Variants in TRPM4 observed in about 807,000 individuals in gnomAD.
The protein encoded by TRPM4 is calcium-activated non-selective cation channel 1.
TRPM4 carries 124 observed loss-of-function variants against 135.6 expected under a neutral mutation model. That is an observed-to-expected ratio of 0.91 (90% CI 0.79 to 1.06). The LOEUF (loss-of-function observed/expected upper bound fraction) is 1.06, where lower values mean the gene tolerates loss of function less well. TRPM4 is among the 50% of genes least tolerant of loss of function. The pLI is 0.00. For missense variants in TRPM4, 1,658 were observed against 1,671.4 expected (o/e 0.99, Z 0.14); for synonymous variants, 745 against 705.6 (o/e 1.06, Z -0.88).
intron 9 of TRPM4, among the ~76,000 whole-genome samples, chr19:49,172,451 C>T (rs1358497474): frequency 6.6e-6 from 1 of 152,200 alleles, no homozygotes; most frequent in Non-Finnish European, 1.5e-5. Flanking sequence ...TCCATCCACA[C>T]ATCCACTGAC....
Position 49,210,084 on chromosome 19 carries a change from A to C in TRPM4, c.3132-125A>C, listed in dbSNP as rs1969290039. 1.9e-6 allele frequency: 2 copies of C among 1,072,660 alleles called. No homozygotes were observed. Among genetic ancestry groups the C allele is most frequent in the Non-Finnish European group, 2.9e-6 (2 of 692,388 alleles). The allele number at this position is 1,072,660 out of a possible 1,614,324, so 66.4% of individuals were successfully genotyped here. On this transcript the variant is annotated intron_variant, in intron 20 of 24. Transcript: ENST00000252826. The surrounding 1 kb of genome is among the most constrained non-coding windows in gnomAD (Gnocchi z 4.1). ...TTCTAATCGCATCCTGTAACCTCTG[A>C]CTTTAGTGATCTTGACTTCTGTCTG...
chr19:49,171,411 T>C lies in TRPM4; in HGVS notation c.851T>C (p.Met284Thr), dbSNP rs1206995756. The C allele has an allele frequency of 6.2e-7, 1 of 1,613,784 alleles. No homozygotes were observed. Among genetic ancestry groups the C allele is most frequent in the African/African-American group, 1.3e-5 (1 of 74,834 alleles). The change falls in exon 7 of 25, where the codon ATG (methionine) becomes ACG (threonine). Residue 284 changes from methionine to threonine, a missense_variant. By Grantham distance (81) the Met-to-Thr change is moderately conservative. Transcript: ENST00000252826. The surrounding 1 kb of genome is among the most constrained non-coding windows in gnomAD (Gnocchi z 4.7). The stretch of plus-strand genomic sequence containing the variant: ...CTCCTGATTGATGGTGATGAGAAGA[T>C]GTTGACGGTATAGGGGCCCGGATGC... ...LLLLIDGDEK[M>T]LTRIENATQA...
chr19:49,206,570 G>T (rs1336215860), intron 20 of TRPM4, among the ~76,000 whole-genome samples: 1 of 151,788 alleles, frequency 6.6e-6, no homozygotes, highest in Non-Finnish European at 1.5e-5. Flanking sequence ...CTCCTGAGTA[G>T]CTGGGCTTAT....
In TRPM4 at chr19:49,175,169, G is replaced by A. The variant is rs983935523; in HGVS notation, c.1150+3061G>A. ...CAGCTCACTGCAACCTCCGCCTCCC[G>A]GGCTCAAGTGATTCTCCTGCCTCAG... On this transcript the variant is annotated intron_variant, in intron 9 of 24. Transcript: ENST00000252826. 6.2e-5 allele frequency among the ~76,000 whole-genome samples: 9 copies of A among 144,646 alleles called. No homozygotes were observed. The East Asian group carries it at 1.0e-3, about 17-fold the overall frequency. The allele number at this position is 144,646 out of a possible 152,430, so 94.9% of individuals were successfully genotyped here.
chr19:49,171,796 A>G lies in TRPM4; in HGVS notation c.1050+27A>G. On this transcript the variant is annotated intron_variant, in intron 8 of 24. Coordinates refer to ENST00000252826, the MANE Select transcript of TRPM4 (RefSeq NM_017636.4). This position sits in a 1 kb window ranked among gnomAD's most constrained non-coding sequence, Gnocchi z 4.7. ...TATGACACTGGGGGCCCAACTCTGGATCCTGAGATGGGAGGGAACTGGGGA... is the reference window on the plus strand; with the variant it reads ...TATGACACTGGGGGCCCAACTCTGGGTCCTGAGATGGGAGGGAACTGGGGA... 1 of 1,602,508 alleles carries G rather than the reference A, an allele frequency of 6.2e-7. No individual in the cohort carries two copies. The highest frequency in any genetic ancestry group is 8.5e-7 in the Non-Finnish European group (1 of 1,175,892).
rs758473371 is a variant in TRPM4 at position 49,168,591 on chromosome 19, G to T, written c.651G>T (p.Pro217=). The change falls in exon 6 of 25, where the codon CCG becomes CCT. Residue 217 remains proline (P), a synonymous_variant. Transcript: ENST00000252826. ...FPARYRWRGD[P]EDGVQFPLDY... is the part of the protein sequence containing the mutation. Reference sequence around the variant, plus strand: ...CGAGGTACCGGTGGCGCGGTGACCCGGAGGACGGGGTCCAGTTTCCCCTGG... The same window carrying T: ...CGAGGTACCGGTGGCGCGGTGACCCTGAGGACGGGGTCCAGTTTCCCCTGG... The T allele has an allele frequency of 2.5e-6, 4 of 1,613,734 alleles. No homozygotes were observed. The highest frequency in any genetic ancestry group is 1.6e-4 in the Middle Eastern group (1 of 6,062).
At chr19:49,197,154 C>T (rs569987996) in intron 17 of TRPM4, among the ~76,000 whole-genome samples, 2 of 152,126 alleles carry the variant, frequency 1.3e-5, no homozygotes, top group African/African-American at 4.8e-5. Flanking sequence ...TGAAGTTTAA[C>T]AGATATTTAT....
chr19:49,196,726 C>G lies in TRPM4; in HGVS notation c.2497C>G (p.Leu833Val), dbSNP rs1292906151. The G allele has an allele frequency of 9.0e-6, 14 of 1,552,964 alleles. No homozygotes were observed. Among genetic ancestry groups the G allele is most frequent in the Non-Finnish European group, 1.1e-5 (13 of 1,155,806 alleles). The change falls in exon 17 of 25, where the codon CTG becomes GTG. Residue 833 changes from leucine (L) to valine (V), a missense_variant. Around this residue, in one of 3 missense-constraint regions of TRPM4, gnomAD observed 1,412 missense variants for 1,408.7 expected, o/e 1.00. Coordinates refer to ENST00000252826, the MANE Select transcript of TRPM4 (RefSeq NM_017636.4). ...GCTGTGCGAGGAACTGCGCCAGGGCCTGAGCGGAGGCGGGGGCAGCCTCGC... is the reference window on the plus strand; with the variant it reads ...GCTGTGCGAGGAACTGCGCCAGGGCGTGAGCGGAGGCGGGGGCAGCCTCGC... ...TLLCEELRQGLSGGGGSLASG... is the reference protein window; with the variant it reads ...TLLCEELRQGVSGGGGSLASG...
rs1131691388 is a variant in TRPM4, at chr19:49,182,913, C to G, written c.1599C>G (p.Phe533Leu). The G allele has an allele frequency of 6.3e-7, 1 of 1,592,798 alleles. No homozygotes were observed. The highest frequency in any genetic ancestry group is 1.3e-5 in the African/African-American group (1 of 74,616). ...GGGACCCTCACCCAGGCCAGGGCTTCGGGGAGAGCGTAAGGACCGGGCAAA... is the reference window on the plus strand; with the variant it reads ...GGGACCCTCACCCAGGCCAGGGCTTGGGGGAGAGCGTAAGGACCGGGCAAA... ...GAWDPHPGQGFGESMYLLSDK... is the reference protein window; with the variant it reads ...GAWDPHPGQGLGESMYLLSDK... Residue 533 changes from phenylalanine (F) to leucine (L), a missense_variant, in exon 11 of 25, where the codon TTC becomes TTG. Phe to Leu is a conservative substitution (Grantham distance 22). This residue lies in a region of TRPM4 where 1,412 missense variants were observed against 1,408.7 expected (regional missense o/e 1.00). Coordinates refer to ENST00000252826, the MANE Select transcript of TRPM4 (RefSeq NM_017636.4).
intron 9 of TRPM4, among the ~76,000 whole-genome samples, chr19:49,174,829 G>A (rs559828762): frequency 1.2e-3 from 181 of 151,192 alleles, no homozygotes; most frequent in Middle Eastern, 3.5e-3. Context: ...GTAAGCTAAC[G>A]AGTGGGACAG....
chr19:49,179,616 C>T (rs1179857443), intron 9 of TRPM4, among the ~76,000 whole-genome samples: 1 of 152,156 alleles, frequency 6.6e-6, no homozygotes, highest in Non-Finnish European at 1.5e-5. Flanking sequence ...TCCCAAAGTG[C>T]TGGGATTACA....
At chr19:49,204,454 G>A (rs1293014605) in intron 20 of TRPM4, among the ~76,000 whole-genome samples, 1 of 152,024 alleles carries the variant, frequency 6.6e-6, no homozygotes, top group African/African-American at 2.4e-5. Flanking sequence ...TAGTCATCCA[G>A]CTGGGTGTAG....
chr19:49,201,010 TTC>T (rs1968913328), intron 19 of TRPM4, among the ~76,000 whole-genome samples: 1 of 150,868 alleles, frequency 6.6e-6, no homozygotes, highest in African/African-American at 2.5e-5. Context: ...CTTTTTTTTT[TTC>T]TTTTTTTTTG....
chr19:49,197,322 TTCTTTCTTTC>T (rs1355812888), intron 17 of TRPM4, among the ~76,000 whole-genome samples: 5 of 118,300 alleles, frequency 4.2e-5, no homozygotes, highest in Non-Finnish European at 8.4e-5. Context: ...CTTTCTTTCT[TTCTTTCTTTC>T]TTTCTTTCTT....
intron 16 of TRPM4, among the ~76,000 whole-genome samples, chr19:49,191,880 A>T (rs1284672400): frequency 6.6e-6 from 1 of 152,194 alleles, no homozygotes; most frequent in Non-Finnish European, 1.5e-5. Context: ...TGAGATACTG[A>T]GGAAGCTTCC....
Position 49,200,297 on chromosome 19 carries a change from C to G in TRPM4, c.2646-3C>G, listed in dbSNP as rs1968863800. The G allele has an allele frequency of 6.2e-7, 1 of 1,614,126 alleles. No individual in the cohort carries two copies. Among genetic ancestry groups the G allele is most frequent in the East Asian group, 2.2e-5 (1 of 44,878 alleles). ...ACCCTTGTGGCATCTCCCCACACCCCAGGCTGACCCCGGGTTTGTACCACC... is the reference window on the plus strand; with the variant it reads ...ACCCTTGTGGCATCTCCCCACACCCGAGGCTGACCCCGGGTTTGTACCACC... On this transcript the variant is annotated splice_polypyrimidine_tract_variant and splice_region_variant and intron_variant, in intron 17 of 24. Transcript: ENST00000252826.
At chr19:49,209,541 T>C (rs761460757) in intron 20 of TRPM4, among the ~76,000 whole-genome samples, 1 of 152,170 alleles carries the variant, frequency 6.6e-6, no homozygotes, top group Non-Finnish European at 1.5e-5. Flanking sequence ...TGTTGACATA[T>C]AATTGTTGAT....
intron 10 of TRPM4, 161 bp from the exon 11 acceptor site, chr19:49,182,417 C>T (rs1190579445): frequency 4.4e-6 from 3 of 688,414 alleles, no homozygotes; most frequent in Non-Finnish European, 5.2e-6. Context: ...TCTGTCCATC[C>T]ATCCATCTAC....
At chr19:49,190,804 GGGGACACC>G in intron 16 of TRPM4, 31 bp downstream of exon 16, 2 of 1,605,980 alleles carry the variant, frequency 1.2e-6, no homozygotes, top group Non-Finnish European at 8.5e-7. Context: ...TGTGTGAGGT[GGGGACACC>G]CTGGGCAGTT....
Sources: gnomAD v4.1 joint callset for allele counts (sites outside exome capture counted in the v4.1 genomes callset) on GRCh38, gnomAD v4.1.1 for gene constraint, gnomAD v4.1.1 regional missense constraint, Gnocchi (gnomAD v3.1) non-coding constraint, MANE v1.5 for transcripts, NCBI Gene and HGNC (gene_info 2026-07-23, HGNC 2026-07-21) for gene names.